The following RNF212B variants were observed in gnomAD, a reference collection of about 807,000 sequenced individuals.
The protein encoded by RNF212B is ring finger protein 212B, also known as E3 ubiquitin-protein ligase RNF212B.
A neutral mutation model predicts 55.5 loss-of-function variants in RNF212B; 52 were observed. The ratio of observed to expected loss-of-function variants is 0.94; its 90% CI spans 0.75 to 1.18. The LOEUF (loss-of-function observed/expected upper bound fraction) is 1.18. RNF212B is among the 50% of genes most tolerant of loss of function. The pLI is 0.00. For synonymous variants in RNF212B, 99 were observed against 121.4 expected (o/e 0.82, Z 1.21); for missense variants, 289 against 350.4 (o/e 0.82, Z 1.40).
At chr14:23,242,081 C>CAA (rs58497672) in intron 2 of RNF212B, among the ~76,000 whole-genome samples, 70 of 36,624 alleles carry the variant, frequency 1.9e-3, no homozygotes, top group African/African-American at 5.7e-3. Context: ...GACTCCGTCT[C>CAA]AAAAAAAAAA....
chr14:23,240,118 T>G (rs936463526), intron 1 of RNF212B, among the ~76,000 whole-genome samples: 4 of 151,996 alleles, frequency 2.6e-5, no homozygotes, highest in Non-Finnish European at 4.4e-5. Flanking sequence ...CACACACACA[T>G]TTATATATAA....
intron 7 of RNF212B, 93 bp from the exon 8 acceptor site, chr14:23,262,572 T>C (rs956423721): frequency 8.6e-5 from 93 of 1,077,270 alleles, no homozygotes; most frequent in Admixed American, 3.9e-4. Context: ...AGGAAGCTAT[T>C]ATTCTATAAA....
chr14:23,223,481 G>T (rs930767071), intron 2 of RNF212B, among the ~76,000 whole-genome samples: 1 of 151,608 alleles, frequency 6.6e-6, no homozygotes, highest in Non-Finnish European at 1.5e-5. Context: ...TCAGCCTCCC[G>T]AGTAGCTGGA....
chr14:23,244,014 G>T (rs1278642210), intron 3 of RNF212B, among the ~76,000 whole-genome samples: 1 of 151,978 alleles, frequency 6.6e-6, no homozygotes, highest in East Asian at 1.9e-4. Context: ...AAAGGCGAGG[G>T]TTGCAATGAG....
At position 23,244,317 on chromosome 14, in the gene RNF212B, C is replaced by A. The variant is rs565074051; in HGVS notation, c.154-5C>A. On this transcript the variant is annotated splice_polypyrimidine_tract_variant and splice_region_variant and intron_variant, in intron 3 of 14. Coordinates refer to ENST00000430154, the MANE Select transcript of RNF212B (RefSeq NM_001282322.3). ...TTCTCACAGTGTGTATTGCTCTCTT[C>A]GTAGCTGAAGCCTCAGGAGAAGATG... is the stretch of plus-strand genomic sequence containing the variant. 1 of 1,527,970 alleles carries A rather than the reference C, an allele frequency of 6.5e-7. No homozygotes were observed. Among genetic ancestry groups the A allele is most frequent in the Non-Finnish European group, 8.8e-7 (1 of 1,131,646 alleles). The allele number at this position is 1,527,970 out of a possible 1,614,324, so 94.7% of individuals were successfully genotyped here. A position where few individuals can be genotyped will look rare whatever the true frequency, so the allele number is the denominator to read the frequency against.
At position 23,269,881 on chromosome 14, in the gene RNF212B, T is replaced by C; in HGVS notation, c.693T>C (p.Ser231=). The change falls in exon 13 of 15, where the codon TCT becomes TCC. Residue 231 remains serine, a synonymous_variant. Coordinates refer to ENST00000430154, the MANE Select transcript of RNF212B (RefSeq NM_001282322.3). The part of the protein sequence containing the change: ...SLSYRTSSAS[S]GQGIFSFRPS... ...TCCTTAGAACTTCATCTGCCTCCTC[T>C]GGACAGGGGATTTTTTCTTTCAGAC... 4 of 1,547,022 alleles carry C rather than the reference T, an allele frequency of 2.6e-6. No homozygotes were observed. In the South Asian group the frequency reaches 3.6e-5, roughly 14 times the overall value.
chr14:23,242,287 A>T (rs1883658705), intron 2 of RNF212B, among the ~76,000 whole-genome samples: 1 of 152,068 alleles, frequency 6.6e-6, no homozygotes, highest in South Asian at 2.1e-4. Flanking sequence ...TCCGTGAAGC[A>T]TATGCCATGT....
At chr14:23,251,293 T>A (rs977346688) in intron 4 of RNF212B, among the ~76,000 whole-genome samples, 8 of 151,938 alleles carry the variant, frequency 5.3e-5, no homozygotes, top group South Asian at 2.1e-4. Flanking sequence ...ATTCCTAGAG[T>A]TTTAGTATCA....
intron 7 of RNF212B, 55 bp from the exon 8 acceptor site, chr14:23,262,610 G>A (rs2140476241): frequency 6.9e-7 from 1 of 1,440,614 alleles, no homozygotes; most frequent in Non-Finnish European, 9.4e-7. Flanking sequence ...CTCTAAAGTG[G>A]CACTTGACCT....
chr14:23,208,662 T>C (rs113459800), intron 2 of RNF212B, among the ~76,000 whole-genome samples: 20,444 of 151,608 alleles, frequency 0.13, 2,719 homozygotes, highest in African/African-American at 0.34. Context: ...AGGGTGAGTC[T>C]GCAGTGCAAA....
At chr14:23,259,167 G>A (rs1745058589) in intron 5 of RNF212B, among the ~76,000 whole-genome samples, 1 of 150,924 alleles carries the variant, frequency 6.6e-6, no homozygotes, top group Admixed American at 6.6e-5. Flanking sequence ...CTCCAGCGTG[G>A]GTGAAAAAGT....
chr14:23,219,903 C>G (rs113619264), intron 2 of RNF212B, among the ~76,000 whole-genome samples: 3,266 of 152,086 alleles, frequency 0.021, 108 homozygotes, highest in African/African-American at 0.073. Flanking sequence ...ACAACAAGGG[C>G]CTGGGCACGG....
chr14:23,264,709 C>G lies in RNF212B; in HGVS notation c.634+38C>G, dbSNP rs754405824. The G allele has an allele frequency of 1.1e-5, 13 of 1,216,830 alleles. No homozygotes were observed. The South Asian group carries it at 4.5e-4, about 42-fold the overall frequency. The allele number at this position is 1,216,830 out of a possible 1,614,324, so 75.4% of individuals were successfully genotyped here. On this transcript the variant is annotated intron_variant, in intron 11 of 14. Transcript: ENST00000430154. Reference sequence around the variant, plus strand: ...GAAAAGGGTGTCAGAAATCAACTTACTCTATGCGAAGATCTGCGGATTTCT... The same window carrying G: ...GAAAAGGGTGTCAGAAATCAACTTAGTCTATGCGAAGATCTGCGGATTTCT...
At position 23,268,542 on chromosome 14, in the gene RNF212B, A is replaced by C. The variant is rs1160779158; in HGVS notation, c.635-382A>C. Among the ~76,000 whole-genome samples, 5 of 152,240 alleles carry C rather than the reference A, an allele frequency of 3.3e-5. No homozygotes were observed. In the South Asian group the frequency reaches 1.0e-3, roughly 32 times the overall value. Reference sequence around the variant, plus strand: ...TTCTCATTGCTTTTATGGAGGAGGAAATTTTTGGAGGTCTTTGCTCTGCCA... The same window carrying C: ...TTCTCATTGCTTTTATGGAGGAGGACATTTTTGGAGGTCTTTGCTCTGCCA... On this transcript the variant is annotated intron_variant, in intron 11 of 14. Transcript: ENST00000430154.
At chr14:23,194,746 A>C (rs1448052059) in intron 2 of RNF212B, among the ~76,000 whole-genome samples, 4 of 151,326 alleles carry the variant, frequency 2.6e-5, no homozygotes, top group African/African-American at 9.7e-5. Context: ...AAAAAAAAAA[A>C]AAAAAAAAAA....
At chr14:23,261,124 C>T (rs1885266749) in intron 7 of RNF212B, among the ~76,000 whole-genome samples, 1 of 152,048 alleles carries the variant, frequency 6.6e-6, no homozygotes, top group Admixed American at 6.6e-5. Context: ...GTATTTGTTC[C>T]GATTGGCTAG....
intron 2 of RNF212B, among the ~76,000 whole-genome samples, chr14:23,226,293 T>C (rs1349486351): frequency 2.9e-5 from 2 of 69,124 alleles, no homozygotes; most frequent in African/African-American, 1.7e-4. Flanking sequence ...CAAGAAACCG[T>C]CTCAAAAAAA....
intron 4 of RNF212B, among the ~76,000 whole-genome samples, chr14:23,256,327 G>T (rs1339406026): frequency 1.3e-5 from 2 of 151,700 alleles, no homozygotes; most frequent in African/African-American, 4.8e-5. Context: ...GCCATTTTAG[G>T]TAATTCCCAG....
intron 2 of RNF212B, among the ~76,000 whole-genome samples, chr14:23,228,462 C>CAAAAAAA (rs776673043): frequency 1.3e-5 from 1 of 76,100 alleles, no homozygotes; most frequent in Non-Finnish European, 2.4e-5. Context: ...CTATCTCTAC[C>CAAAAAAA]AAAAAAAAAA....
Sources: allele counts gnomAD v4.1 joint callset (sites outside exome capture counted in the v4.1 genomes callset), GRCh38; gene constraint gnomAD v4.1.1; transcripts MANE v1.5; gene names NCBI Gene and HGNC (gene_info 2026-07-23, HGNC 2026-07-21).